ABAT: variants seen among roughly 807,000 people sequenced by gnomAD.
ABAT encodes 4-aminobutyrate aminotransferase.
ABAT carries 45 observed loss-of-function variants against 64.6 expected under a neutral mutation model. That is an observed-to-expected ratio of 0.70 (90% confidence interval 0.55 to 0.89). ABAT has a LOEUF of 0.89. ABAT is among the 40% of genes least tolerant of loss of function. ABAT has a pLI of 0.00. For missense variants in ABAT, 633 were observed against 658.4 expected, an observed-to-expected ratio of 0.96 and a Z score of 0.42; for synonymous variants, 297 against 250.5, an observed-to-expected ratio of 1.19 and a Z score of -1.75.
chr16:8,768,291 T>A (rs1429479916), intron 10 of ABAT, 35 bp downstream of exon 10: 1 of 1,605,296 alleles, frequency 6.2e-7, no homozygotes, highest in East Asian at 2.2e-5. Flanking sequence ...AAGGTGGCGT[T>A]TAGAATAGTA....
intron 1 of ABAT, among the ~76,000 whole-genome samples, chr16:8,720,324 C>T (rs778541637): frequency 1.4e-4 from 21 of 152,204 alleles, no homozygotes; most frequent in Non-Finnish European, 2.5e-4. Context: ...ATGGCCCAGC[C>T]ACACTTTAGA....
intron 1 of ABAT, among the ~76,000 whole-genome samples, chr16:8,707,318 C>G (rs531354371): frequency 1.3e-5 from 2 of 150,156 alleles, no homozygotes; most frequent in Non-Finnish European, 2.9e-5. Context: ...TACCTTGTAG[C>G]TGGGACTATA....
At position 8,779,529 on chromosome 16, in the gene ABAT, C is replaced by T. The variant is rs776569159; in HGVS notation, c.1320C>T (p.Cys440=). 6.2e-7 allele frequency: 1 copy of T among 1,614,212 alleles called. No homozygotes were observed. Among genetic ancestry groups the T allele is most frequent in the Non-Finnish European group, 8.5e-7 (1 of 1,180,042 alleles). Residue 440 remains cysteine (C), a synonymous_variant, in exon 15 of 16, where the codon TGC becomes TGT. Transcript: ENST00000268251. ...ISRVRGRGTF[C]SFDTPDDSIR... is the part of the protein sequence containing the mutation. ...GGGTGAGAGGACGAGGCACCTTTTGCTCCTTCGATACTCCCGATGATTCCA... is the reference window on the plus strand; with the variant it reads ...GGGTGAGAGGACGAGGCACCTTTTGTTCCTTCGATACTCCCGATGATTCCA...
At chr16:8,732,128 G>C (rs544978619) in intron 1 of ABAT, among the ~76,000 whole-genome samples, 3 of 151,456 alleles carry the variant, frequency 2.0e-5, no homozygotes, top group African/African-American at 4.8e-5. Flanking sequence ...GCTGGGATTA[G>C]AGGCATGAGT....
intron 1 of ABAT, among the ~76,000 whole-genome samples, chr16:8,725,498 T>C (rs1301591433): frequency 1.3e-5 from 2 of 152,254 alleles, no homozygotes; most frequent in Non-Finnish European, 2.9e-5. Flanking sequence ...TTCATTCATA[T>C]AGCATAAAAA....
At chr16:8,747,878 G>A (rs573973830) in intron 3 of ABAT, among the ~76,000 whole-genome samples, 1 of 151,606 alleles carries the variant, frequency 6.6e-6, no homozygotes, top group South Asian at 2.1e-4. Context: ...TATCTTTCAG[G>A]TGGCTGAATT....
At chr16:8,684,037 T>A (rs966547984) in intron 1 of ABAT, among the ~76,000 whole-genome samples, 2 of 152,008 alleles carry the variant, frequency 1.3e-5, no homozygotes, top group Admixed American at 1.3e-4. Flanking sequence ...AGACTAGCCA[T>A]GCGGAAACAG....
At chr16:8,713,299 T>C (rs1166306269) in intron 1 of ABAT, 1 of 141,792 alleles carries the variant, frequency 7.1e-6, no homozygotes, top group Non-Finnish European at 1.6e-5. Flanking sequence ...AAAAAAAAAA[T>C]CTAGGAAGAG....
chr16:8,699,983 A>AC (rs1567274926), intron 1 of ABAT, among the ~76,000 whole-genome samples: 12 of 150,528 alleles, frequency 8.0e-5, no homozygotes, highest in Non-Finnish European at 5.9e-5. Context: ...TAATTTTTGT[A>AC]TTTTTTTTTG....
chr16:8,724,987 G>T (rs899897692), intron 1 of ABAT, among the ~76,000 whole-genome samples: 7 of 151,186 alleles, frequency 4.6e-5, no homozygotes, highest in African/African-American at 1.7e-4. Flanking sequence ...CGCCATCTCG[G>T]CTCACCGCAA....
At chr16:8,735,643 G>C (rs968431054) in intron 1 of ABAT, 56 bp from the exon 2 acceptor site, 9 of 1,409,198 alleles carry the variant, frequency 6.4e-6, no homozygotes, top group South Asian at 1.2e-5. Context: ...TGGGATCTTT[G>C]GCTGAGAGGG....
chr16:8,752,084 G>A (rs1273203530), intron 5 of ABAT, among the ~76,000 whole-genome samples: 1 of 152,220 alleles, frequency 6.6e-6, no homozygotes, highest in East Asian at 1.9e-4. Context: ...CTGCTCAGAA[G>A]CCTGGAGCCT....
At chr16:8,700,196 G>A (rs2142018413) in intron 1 of ABAT, among the ~76,000 whole-genome samples, 2 of 152,256 alleles carry the variant, frequency 1.3e-5, no homozygotes, top group African/African-American at 4.8e-5. Context: ...AGTATTGCAG[G>A]TGTGGTTTTT....
At chr16:8,746,828 A>C (rs1357084194) in intron 3 of ABAT, among the ~76,000 whole-genome samples, 1 of 152,194 alleles carries the variant, frequency 6.6e-6, no homozygotes, top group East Asian at 1.9e-4. Context: ...AGCATAGAGC[A>C]AGCCAATTGC....
chr16:8,723,265 ATTTAGGATATCAT>A (rs1468869801), intron 1 of ABAT, among the ~76,000 whole-genome samples: 1 of 152,150 alleles, frequency 6.6e-6, no homozygotes, highest in African/African-American at 2.4e-5. Flanking sequence ...CCGAGAGGCT[ATTTAGGATATCAT>A]TGCCTTCATC....
intron 1 of ABAT, among the ~76,000 whole-genome samples, chr16:8,723,639 G>A (rs777138946): frequency 2.0e-5 from 3 of 151,806 alleles, no homozygotes; most frequent in Non-Finnish European, 4.4e-5. Context: ...GCCTATGATT[G>A]TCCAGGATGT....
chr16:8,757,288 C>T, intron 5 of ABAT: 1 of 395,704 alleles, frequency 2.5e-6, no homozygotes, highest in South Asian at 1.9e-5. Context: ...CTGCCTCAGC[C>T]CCCCGAGTAC....
intron 1 of ABAT, among the ~76,000 whole-genome samples, chr16:8,706,990 G>A (rs976825128): frequency 2.0e-5 from 3 of 152,084 alleles, no homozygotes; most frequent in Admixed American, 6.6e-5. Context: ...TCAGAGGGTG[G>A]AATGGGTGGG....
chr16:8,677,330 T>C (rs1329707683), intron 1 of ABAT, among the ~76,000 whole-genome samples: 3 of 152,208 alleles, frequency 2.0e-5, no homozygotes, highest in African/African-American at 7.2e-5. Context: ...CCAAGGTGCC[T>C]GGGGACAAGG....
Sources: gnomAD v4.1 joint callset for allele counts (sites outside exome capture counted in the v4.1 genomes callset) on GRCh38, gnomAD v4.1.1 for gene constraint, MANE v1.5 for transcripts, NCBI Gene and HGNC (gene_info 2026-07-23, HGNC 2026-07-21) for gene names.